The following R3HCC1L variants were observed in gnomAD, a reference collection of about 807,000 sequenced individuals.
The protein encoded by R3HCC1L is coiled-coil domain-containing protein R3HCC1L.
A neutral mutation model predicts 59.9 loss-of-function variants in R3HCC1L; 51 were observed. The ratio of observed to expected loss-of-function variants is 0.85; its 90% CI spans 0.68 to 1.07. The LOEUF (loss-of-function observed/expected upper bound fraction) is 1.07, where lower values mean the gene tolerates loss of function less well. R3HCC1L is among the 50% of genes least tolerant of loss of function. The pLI, the probability that R3HCC1L is intolerant of heterozygous loss-of-function variation, is 0.00. For missense variants in R3HCC1L, 965 were observed against 933.0 expected (o/e 1.03, Z -0.45); for synonymous variants, 322 against 315.2 (o/e 1.02, Z -0.23).
intron 6 of R3HCC1L, among the ~76,000 whole-genome samples, chr10:98,233,118 G>C (rs1313159913): frequency 6.6e-6 from 1 of 152,020 alleles, no homozygotes; most frequent in African/African-American, 2.4e-5. Context: ...AGCAGTCAGA[G>C]GGATCAAATC....
intron 5 of R3HCC1L, among the ~76,000 whole-genome samples, chr10:98,219,695 A>G (rs1374156759): frequency 6.6e-6 from 1 of 152,178 alleles, no homozygotes; most frequent in Non-Finnish European, 1.5e-5. Flanking sequence ...GTCCAGTCTC[A>G]TGATAATGAA....
chr10:98,231,076 CT>C, intron 5 of R3HCC1L: 2 of 412,930 alleles, frequency 4.8e-6, no homozygotes, highest in Non-Finnish European at 9.5e-6. Flanking sequence ...TATTTAAAAA[CT>C]TTTTTTCATT....
chr10:98,174,049 T>C (rs1848768685), intron 4 of R3HCC1L, among the ~76,000 whole-genome samples: 1 of 152,160 alleles, frequency 6.6e-6, no homozygotes, highest in Non-Finnish European at 1.5e-5. Flanking sequence ...TAGAACAACT[T>C]TTATGTTTGC....
chr10:98,236,966 ATTTTTCC>A, intron 9 of R3HCC1L, among the ~76,000 whole-genome samples: 1 of 152,242 alleles, frequency 6.6e-6, no homozygotes, highest in East Asian at 1.9e-4. Flanking sequence ...AAGTAACTTC[ATTTTTCC>A]ATTAAACGAA....
At chr10:98,174,275 G>A (rs1403148687) in intron 4 of R3HCC1L, among the ~76,000 whole-genome samples, 1 of 152,172 alleles carries the variant, frequency 6.6e-6, no homozygotes, top group Non-Finnish European at 1.5e-5. Context: ...ATACGAAGAT[G>A]AATTGGGCTG....
chr10:98,241,192 G>T (rs1032068883), intron 9 of R3HCC1L, among the ~76,000 whole-genome samples: 1 of 152,036 alleles, frequency 6.6e-6, no homozygotes, highest in Admixed American at 6.6e-5. Flanking sequence ...AATAAGATTC[G>T]TTTGACCAGA....
chr10:98,154,852 T>A (rs548105963), intron 1 of R3HCC1L, among the ~76,000 whole-genome samples: 1 of 152,358 alleles, frequency 6.6e-6, no homozygotes, highest in South Asian at 2.1e-4. Flanking sequence ...CAACAGGATG[T>A]TGTTTTTAGG....
chr10:98,141,095 A>G (rs1845093564), intron 1 of R3HCC1L, among the ~76,000 whole-genome samples: 1 of 152,112 alleles, frequency 6.6e-6, no homozygotes, highest in Non-Finnish European at 1.5e-5. Flanking sequence ...AAAGCTGTTT[A>G]TAAGTCCAAA....
intron 1 of R3HCC1L, among the ~76,000 whole-genome samples, chr10:98,153,197 G>C (rs1351043202): frequency 6.6e-6 from 1 of 152,230 alleles, no homozygotes; most frequent in African/African-American, 2.4e-5. Context: ...AGAAGATAGA[G>C]AATTCAGATT....
chr10:98,231,980 T>C (rs1010652860), intron 6 of R3HCC1L, among the ~76,000 whole-genome samples: 1 of 152,184 alleles, frequency 6.6e-6, no homozygotes, highest in African/African-American at 2.4e-5. Context: ...ATTGTTGATA[T>C]ATTTGGATGT....
rs534648055 is a variant in R3HCC1L at position 98,235,245 on chromosome 10, A to G, written c.2033-180A>G. Among the ~76,000 whole-genome samples, 1,118 of 152,300 alleles carry G rather than the reference A, an allele frequency of 7.3e-3. 17 individuals are homozygous for G. Among genetic ancestry groups the G allele is most frequent in the African/African-American group, 0.025 (1,023 of 41,552 alleles). On this transcript the variant is annotated intron_variant, in intron 7 of 9. Transcript: ENST00000298999. ...GGTGGTTGGCTGGATTTGGTCATGG[A>G]GCCATAGTTTGCTGATACCTGATCT...
chr10:98,217,951 A>G (rs1240694458), intron 5 of R3HCC1L, among the ~76,000 whole-genome samples: 2 of 152,170 alleles, frequency 1.3e-5, no homozygotes, highest in Middle Eastern at 3.4e-3. Context: ...AGATCATTTC[A>G]TCTTCAAAGA....
intron 4 of R3HCC1L, among the ~76,000 whole-genome samples, chr10:98,173,583 C>A (rs758839534): frequency 6.6e-6 from 1 of 152,116 alleles, no homozygotes; most frequent in Non-Finnish European, 1.5e-5. Flanking sequence ...AGGGGCTGTC[C>A]ATCCGTCACT....
At chr10:98,176,209 G>A (rs1849003114) in intron 4 of R3HCC1L, among the ~76,000 whole-genome samples, 2 of 152,104 alleles carry the variant, frequency 1.3e-5, no homozygotes, top group South Asian at 4.1e-4. Context: ...CAGGTAGTGT[G>A]AGTTCTCCAT....
intron 4 of R3HCC1L, among the ~76,000 whole-genome samples, chr10:98,180,046 C>T (rs1849479977): frequency 6.6e-6 from 1 of 152,114 alleles, no homozygotes. Context: ...GTTTTTGTGT[C>T]TCTATTTCCT....
intron 4 of R3HCC1L, among the ~76,000 whole-genome samples, chr10:98,200,475 C>T (rs1039532426): frequency 1.3e-5 from 2 of 152,024 alleles, no homozygotes; most frequent in African/African-American, 4.8e-5. Context: ...TTTTACCATG[C>T]CTGGCAAATT....
rs968227948 is a variant in R3HCC1L, at chr10:98,228,963, A to T, written c.1786-2549A>T. On this transcript the variant is annotated intron_variant, in intron 5 of 9. Coordinates refer to ENST00000298999, the MANE Select transcript of R3HCC1L (RefSeq NM_001351015.2). ...CCTGTATCTCTGTTTTGGTACCAGT[A>T]CCATGCTGTTTTGGTTACTGTAGCC... 8.3e-4 allele frequency among the ~76,000 whole-genome samples: 127 copies of T among 152,240 alleles called. No homozygotes were observed. The Middle Eastern group carries it at 0.01, about 12-fold the overall frequency.
rs574306192 is a variant in R3HCC1L, at chr10:98,162,253, G to A, written c.-212-630G>A. Among the ~76,000 whole-genome samples the A allele has an allele frequency of 7.9e-5, 12 of 152,250 alleles. No homozygotes were observed. In the East Asian group the frequency reaches 2.3e-3, roughly 29 times the overall value. On this transcript the variant is annotated intron_variant, in intron 2 of 9. Coordinates refer to ENST00000298999, the MANE Select transcript of R3HCC1L (RefSeq NM_001351015.2). ...TTAAAATTTTTCACTATTGTAAACA[G>A]TTCTGGAATAAGTAAATATCCTTGT...
chr10:98,188,644 C>A (rs561885975), intron 4 of R3HCC1L, among the ~76,000 whole-genome samples: 42 of 152,132 alleles, frequency 2.8e-4, no homozygotes, highest in Non-Finnish European at 5.4e-4. Context: ...TTAAAGAAGG[C>A]AATTGGGGCT....
Sources: allele counts gnomAD v4.1 joint callset (sites outside exome capture counted in the v4.1 genomes callset), GRCh38; gene constraint gnomAD v4.1.1; transcripts MANE v1.5; gene names NCBI Gene and HGNC (gene_info 2026-07-23, HGNC 2026-07-21).